The following PRKN variants were observed in gnomAD, a reference collection of about 807,000 sequenced individuals.
PRKN encodes the protein E3 ubiquitin-protein ligase parkin.
In PRKN, 56 loss-of-function variants were observed where a neutral mutation model predicts 59.5. The observed-to-expected ratio is 0.94, with a 90% CI of 0.76 to 1.18. The LOEUF (loss-of-function observed/expected upper bound fraction) is 1.18, where lower values mean the gene tolerates loss of function less well. PRKN is among the 50% of genes most tolerant of loss of function. The pLI, the probability that PRKN is intolerant of heterozygous loss-of-function variation, is 0.00. For missense variants in PRKN, 657 were observed against 596.4 expected (o/e 1.10, Z -1.06); for synonymous variants, 250 against 222.1 (o/e 1.13, Z -1.12).
At chr6:162,251,568 C>A (rs978126124) in intron 3 of PRKN, among the ~76,000 whole-genome samples, 1 of 152,180 alleles carries the variant, frequency 6.6e-6, no homozygotes, top group African/African-American at 2.4e-5. Context: ...AATAGTAATA[C>A]ATATTCATTC....
chr6:161,681,123 G>A (rs1476471644), intron 7 of PRKN, among the ~76,000 whole-genome samples: 2 of 151,980 alleles, frequency 1.3e-5, no homozygotes, highest in Admixed American at 1.3e-4. Context: ...ACCACGCCCA[G>A]TGAATTTTTG....
chr6:162,565,411 G>T (rs1009093526), intron 1 of PRKN, among the ~76,000 whole-genome samples: 1 of 152,068 alleles, frequency 6.6e-6, no homozygotes, highest in Non-Finnish European at 1.5e-5. Flanking sequence ...GGCCGGGAGC[G>T]GTGGCTCAAT....
intron 4 of PRKN, among the ~76,000 whole-genome samples, chr6:162,062,126 A>G (rs1196787016): frequency 1.3e-5 from 2 of 152,216 alleles, no homozygotes; most frequent in African/African-American, 4.8e-5. Flanking sequence ...TGCTCCTAAC[A>G]ATTTTATTCA....
intron 4 of PRKN, among the ~76,000 whole-genome samples, chr6:162,127,029 A>T (rs1023334144): frequency 6.6e-6 from 1 of 152,232 alleles, no homozygotes; most frequent in Non-Finnish European, 1.5e-5. Context: ...ATGTAGTGTC[A>T]CATTCAATTA....
At chr6:162,057,947 A>G (rs990095523) in intron 4 of PRKN, among the ~76,000 whole-genome samples, 1 of 152,142 alleles carries the variant, frequency 6.6e-6, no homozygotes, top group Non-Finnish European at 1.5e-5. Context: ...ATGATTATTA[A>G]ATATATATGT....
rs187387124 is a variant in PRKN at position 162,117,109 on chromosome 6, T to C, written c.535-62935A>G. 2.6e-5 allele frequency among the ~76,000 whole-genome samples: 4 copies of C among 152,200 alleles called. No individual in the cohort carries two copies. In the East Asian group the frequency reaches 5.8e-4, roughly 22 times the overall value. ...AAAGCAGCTGTAATTCACGATGACATAAAAACCACTTTAAATCATAAACAC... is the reference window on the plus strand; with the variant it reads ...AAAGCAGCTGTAATTCACGATGACACAAAAACCACTTTAAATCATAAACAC... On this transcript the variant is annotated intron_variant, in intron 4 of 11. Coordinates refer to ENST00000366898, the MANE Select transcript of PRKN (RefSeq NM_004562.3).
intron 6 of PRKN, among the ~76,000 whole-genome samples, chr6:161,943,464 T>A (rs1779639732): frequency 6.6e-6 from 1 of 152,260 alleles, no homozygotes; most frequent in Non-Finnish European, 1.5e-5. Flanking sequence ...ATGTGGATAG[T>A]ATGTATATTT....
In PRKN at chr6:161,468,947, C is replaced by G. The variant is rs1189390427; in HGVS notation, c.1083+79907G>C. Among the ~76,000 whole-genome samples the G allele has an allele frequency of 6.6e-6, 1 of 152,154 alleles. No individual in the cohort carries two copies. The highest frequency in any genetic ancestry group is 2.4e-5 in the African/African-American group (1 of 41,422). On this transcript the variant is annotated intron_variant, in intron 9 of 11. Coordinates refer to ENST00000366898, the MANE Select transcript of PRKN (RefSeq NM_004562.3). This position sits in a 1 kb window ranked among gnomAD's most constrained non-coding sequence, Gnocchi z 5.9. ...AGGCAACTTCCTCCTACTTTAAAAC[C>G]CAGCAGTACACAAATGGGCGCTCCC...
chr6:161,694,643 A>T (rs183720874), intron 7 of PRKN, among the ~76,000 whole-genome samples: 41 of 152,300 alleles, frequency 2.7e-4, no homozygotes, highest in African/African-American at 9.6e-4. Context: ...CTGGATGCAC[A>T]TCTATCTAAC....
intron 6 of PRKN, among the ~76,000 whole-genome samples, chr6:161,839,446 G>C (rs1192983464): frequency 6.6e-6 from 1 of 152,118 alleles, no homozygotes; most frequent in East Asian, 1.9e-4. Context: ...CTGACGTTCA[G>C]GGTGAGGGCT....
chr6:161,965,064 A>C (rs1784593), intron 6 of PRKN, among the ~76,000 whole-genome samples: 1 of 151,756 alleles, frequency 6.6e-6, no homozygotes, highest in Admixed American at 6.6e-5. Context: ...AATGAATGAA[A>C]GCATACCAAA....
intron 9 of PRKN, among the ~76,000 whole-genome samples, chr6:161,532,198 T>A (rs1583197146): frequency 6.6e-6 from 1 of 151,208 alleles, no homozygotes; most frequent in African/African-American, 2.4e-5. Flanking sequence ...ATATAATCTA[T>A]CTATGTGTCT....
chr6:162,361,604 GACAGACCA>G (rs1785145282), intron 2 of PRKN, among the ~76,000 whole-genome samples: 1 of 152,016 alleles, frequency 6.6e-6, no homozygotes, highest in Non-Finnish European at 1.5e-5. Flanking sequence ...GACTAATACC[GACAGACCA>G]AGAGAGAGAA....
intron 4 of PRKN, among the ~76,000 whole-genome samples, chr6:162,097,410 G>A (rs1779791838): frequency 6.6e-6 from 1 of 152,164 alleles, no homozygotes. Flanking sequence ...TTGACAAATG[G>A]ATGACCGAAG....
intron 1 of PRKN, among the ~76,000 whole-genome samples, chr6:162,703,116 T>C (rs539763718): frequency 1.3e-5 from 2 of 152,284 alleles, no homozygotes; most frequent in Admixed American, 1.3e-4. Context: ...TTTAACCTTT[T>C]AATAGAGTGG....
In PRKN at chr6:161,381,225, C is replaced by T. The variant is rs374539973; in HGVS notation, c.1167+5569G>A. 2.0e-5 allele frequency among the ~76,000 whole-genome samples: 3 copies of T among 152,296 alleles called. No homozygotes were observed. In the East Asian group the frequency reaches 5.8e-4, roughly 29 times the overall value. ...GACAAGCCAACAACAGCCCACTCAT[C>T]CCCCTCTTTCAAAAGGCAGAGTGAC... On this transcript the variant is annotated intron_variant, in intron 10 of 11. Transcript: ENST00000366898.
chr6:161,904,500 A>G (rs1042576057), intron 6 of PRKN, among the ~76,000 whole-genome samples: 2 of 151,864 alleles, frequency 1.3e-5, no homozygotes, highest in Non-Finnish European at 2.9e-5. Context: ...TATTTTTAGT[A>G]GAGACGGGGT....
At chr6:162,637,284 C>A (rs866102193) in intron 1 of PRKN, among the ~76,000 whole-genome samples, 1,771 of 106,828 alleles carry the variant, frequency 0.017, 34 homozygotes, top group African/African-American at 0.055. Context: ...CCCCCCCCCC[C>A]AAAAAAAAGC....
rs1287603031 is a variant in PRKN at position 162,472,648 on chromosome 6, C to T, written c.8-29175G>A. On this transcript the variant is annotated intron_variant, in intron 1 of 11. Coordinates refer to ENST00000366898, the MANE Select transcript of PRKN (RefSeq NM_004562.3). Reference sequence around the variant, plus strand: ...GACTACAGGCGCCCGCCACCACGCCCGGCTAATTTTTTTTTTGTATTTTTA... The same window carrying T: ...GACTACAGGCGCCCGCCACCACGCCTGGCTAATTTTTTTTTTGTATTTTTA... Among the ~76,000 whole-genome samples, 212 of 125,564 alleles carry T rather than the reference C, an allele frequency of 1.7e-3. 17 individuals are homozygous for T. The highest frequency in any genetic ancestry group is 5.8e-3 in the African/African-American group (204 of 34,882). 82.4% of individuals were successfully genotyped at this position (125,564 alleles called of 152,430 possible). A position where few individuals can be genotyped will look rare whatever the true frequency, so the allele number is the denominator to read the frequency against.
Sources: gnomAD v4.1 joint callset for allele counts (sites outside exome capture counted in the v4.1 genomes callset) on GRCh38, gnomAD v4.1.1 for gene constraint, Gnocchi (gnomAD v3.1) non-coding constraint, MANE v1.5 for transcripts, NCBI Gene and HGNC (gene_info 2026-07-23, HGNC 2026-07-21) for gene names.